Variants in SERAC1 observed in about 807,000 individuals in gnomAD.
SERAC1 encodes protein SERAC1.
Under a neutral mutation model 85.7 loss-of-function variants are expected in SERAC1, and 36 were observed. The ratio of observed to expected loss-of-function variants is 0.42; its 90% CI spans 0.32 to 0.55. The LOEUF (loss-of-function observed/expected upper bound fraction) is 0.55, where lower values mean the gene tolerates loss of function less well. Among genes scored for constraint, SERAC1 ranks in the 20% least tolerant of loss-of-function variants. The pLI, the probability that SERAC1 is intolerant of heterozygous loss-of-function variation, is 0.11. For synonymous variants in SERAC1, 242 were observed against 265.3 expected, an observed-to-expected ratio of 0.91 and a Z score of 0.85; for missense variants, 629 against 796.2, an observed-to-expected ratio of 0.79 and a Z score of 2.53.
At chr6:158,149,636 A>G (rs1785157859) in intron 4 of SERAC1, among the ~76,000 whole-genome samples, 1 of 152,272 alleles carries the variant, frequency 6.6e-6, no homozygotes, top group South Asian at 2.1e-4. Flanking sequence ...TTAAGTCTCA[A>G]TATACAGGTA....
Position 158,117,591 on chromosome 6 carries a change from A to G in SERAC1, c.1403+136T>C. 1 of 1,555,318 alleles carries G rather than the reference A, an allele frequency of 6.4e-7. No homozygotes were observed. The highest frequency in any genetic ancestry group is 8.7e-7 in the Non-Finnish European group (1 of 1,148,528). ...CAAACTCCTTCTAGAAGGAAGACAA[A>G]AAAGATTAGGTTTGTTCTTCATAAG... On this transcript the variant is annotated intron_variant, in intron 13 of 16. Coordinates refer to ENST00000647468, the MANE Select transcript of SERAC1 (RefSeq NM_032861.4). The surrounding 1 kb of genome is among the most constrained non-coding windows in gnomAD (Gnocchi z 4.3).
intron 2 of SERAC1, among the ~76,000 whole-genome samples, chr6:158,156,639 G>A (rs1351853187): frequency 6.7e-6 from 1 of 150,180 alleles, no homozygotes; most frequent in African/African-American, 2.5e-5. Context: ...TTAAGCCACT[G>A]GACTCAAGCT....
intron 10 of SERAC1, among the ~76,000 whole-genome samples, chr6:158,123,021 T>G (rs1380500599): frequency 6.6e-6 from 1 of 152,130 alleles, no homozygotes; most frequent in African/African-American, 2.4e-5. Context: ...AATCTGCAGA[T>G]CTGATACTAA....
chr6:158,140,800 G>A (rs1252346135), intron 8 of SERAC1, among the ~76,000 whole-genome samples: 1 of 152,210 alleles, frequency 6.6e-6, no homozygotes, highest in Non-Finnish European at 1.5e-5. Context: ...AGGACACTGA[G>A]CTGATGTTTG....
At chr6:158,125,539 G>A (rs912838277) in intron 10 of SERAC1, among the ~76,000 whole-genome samples, 4 of 152,034 alleles carry the variant, frequency 2.6e-5, no homozygotes, top group African/African-American at 9.7e-5. Flanking sequence ...GGTTACAGCA[G>A]CACAAAATGA....
chr6:158,155,595 C>T (rs570624299), intron 2 of SERAC1, among the ~76,000 whole-genome samples: 63 of 152,174 alleles, frequency 4.1e-4, no homozygotes, highest in Non-Finnish European at 8.5e-4. Flanking sequence ...CCTTTCTCCA[C>T]CTCCTAGTCC....
chr6:158,164,180 C>T (rs1343959252), intron 1 of SERAC1, among the ~76,000 whole-genome samples: 1 of 151,672 alleles, frequency 6.6e-6, no homozygotes, highest in Non-Finnish European at 1.5e-5. Flanking sequence ...TTAAAAGCAC[C>T]TTTAAGATTA....
chr6:158,115,475 A>G (rs1308815622), intron 14 of SERAC1, among the ~76,000 whole-genome samples: 2 of 152,212 alleles, frequency 1.3e-5, no homozygotes, highest in Non-Finnish European at 2.9e-5. Flanking sequence ...AATGAAACAC[A>G]AAGATCTAAA....
In SERAC1 at chr6:158,119,818, A is replaced by C. The variant is rs989087710; in HGVS notation, c.1166+607T>G. On this transcript the variant is annotated intron_variant, in intron 11 of 16. Transcript: ENST00000647468. This position sits in a 1 kb window ranked among gnomAD's most constrained non-coding sequence, Gnocchi z 4.5. The stretch of plus-strand genomic sequence containing the variant: ...CTATTTTCTGAGGTACTTTTTGTAA[A>C]GTGCCCTAAGAAAACCAAGAAATAT... 6.6e-5 allele frequency among the ~76,000 whole-genome samples: 10 copies of C among 152,204 alleles called. No individual in the cohort carries two copies. The highest frequency in any genetic ancestry group is 2.4e-4 in the African/African-American group (10 of 41,470).
intron 16 of SERAC1, 90 bp downstream of exon 16, chr6:158,113,357 CTG>C (rs1294765255): frequency 8.8e-6 from 9 of 1,017,418 alleles, no homozygotes; most frequent in Admixed American, 2.2e-5. Context: ...TCTCTTAAAA[CTG>C]AGAACCTGGA....
intron 3 of SERAC1, 78 bp from the exon 4 acceptor site, chr6:158,150,667 T>C: frequency 9.2e-7 from 1 of 1,081,590 alleles, no homozygotes. Flanking sequence ...CTATTAAGCT[T>C]GTCATAGTAA....
chr6:158,132,294 T>C (rs1784696342), intron 8 of SERAC1, among the ~76,000 whole-genome samples: 1 of 152,218 alleles, frequency 6.6e-6, no homozygotes, highest in Non-Finnish European at 1.5e-5. Context: ...AAAATAATTT[T>C]TGGCCACTCT....
At position 158,113,515 on chromosome 6, in the gene SERAC1, C is replaced by T. The variant is rs756012789; in HGVS notation, c.1762G>A (p.Val588Met). 2.7e-5 allele frequency: 44 copies of T among 1,613,956 alleles called. 1 individual carries two copies. The South Asian group carries it at 4.1e-4, about 15-fold the overall frequency. ...CCAATGTAGGTTGGTAGTGTTTCCA[C>T]AAAATTCAGCACCTGGAAGTTTTTG... The part of the protein sequence containing the change: ...KDKNFQVLNF[V>M]ETLPTYIGSM... Residue 588 changes from valine to methionine, a missense_variant, in exon 16 of 17, where the codon GTG (valine) becomes ATG (methionine). Coordinates refer to ENST00000647468, the MANE Select transcript of SERAC1 (RefSeq NM_032861.4).
intron 8 of SERAC1, among the ~76,000 whole-genome samples, chr6:158,142,280 C>T (rs1241616422): frequency 6.6e-6 from 1 of 151,822 alleles, no homozygotes; most frequent in Admixed American, 6.6e-5. Flanking sequence ...CCCAGCTCAG[C>T]CTCTCAAACA....
In SERAC1 at chr6:158,144,290, TTTAC is replaced by T. The variant is rs779768135; in HGVS notation, c.609+5_609+8del. On this transcript the variant is annotated splice_donor_5th_base_variant and intron_variant, in intron 7 of 16. Coordinates refer to ENST00000647468, the MANE Select transcript of SERAC1 (RefSeq NM_032861.4). ...CTCTCTAAATTACTATTATTATTGT[TTTAC>T]TTACTTCTTTTAAAGATGGCAAAGG... is the stretch of plus-strand genomic sequence containing the variant. 1 of 1,600,372 alleles carries T rather than the reference TTTAC, an allele frequency of 6.2e-7. No individual in the cohort carries two copies. The highest frequency in any genetic ancestry group is 1.7e-4 in the Middle Eastern group (1 of 6,020).
intron 14 of SERAC1, 25 bp from the exon 15 acceptor site, chr6:158,114,996 C>A (rs1399809623): frequency 1.3e-6 from 2 of 1,592,770 alleles, no homozygotes; most frequent in Non-Finnish European, 1.7e-6. Context: ...GGGAAAAAAA[C>A]AATGCATAAG....
chr6:158,119,468 C>G lies in SERAC1; in HGVS notation c.1167-298G>C, dbSNP rs1784368647. Among the ~76,000 whole-genome samples, 1 of 152,050 alleles carries G rather than the reference C, an allele frequency of 6.6e-6. No homozygotes were observed. Among genetic ancestry groups the G allele is most frequent in the South Asian group, 2.1e-4 (1 of 4,814 alleles). The stretch of plus-strand genomic sequence containing the variant: ...TCAACTGACAGATGTCATAGATTAC[C>G]CTCTAAAGACTTCCATTTGAGAATA... On this transcript the variant is annotated intron_variant, in intron 11 of 16. Coordinates refer to ENST00000647468, the MANE Select transcript of SERAC1 (RefSeq NM_032861.4). The surrounding 1 kb of genome is among the most constrained non-coding windows in gnomAD (Gnocchi z 4.5).
At chr6:158,127,095 C>T (rs1784556668) in intron 10 of SERAC1, among the ~76,000 whole-genome samples, 1 of 151,962 alleles carries the variant, frequency 6.6e-6, no homozygotes, top group African/African-American at 2.4e-5. Flanking sequence ...ATCATCATGG[C>T]AAACCTGCTC....
intron 14 of SERAC1, among the ~76,000 whole-genome samples, chr6:158,115,895 C>T (rs529977110): frequency 6.6e-6 from 1 of 152,316 alleles, no homozygotes; most frequent in South Asian, 2.1e-4. Flanking sequence ...GTATATGAAA[C>T]GGGCTGCTTC....
Sources: gnomAD v4.1 joint callset for allele counts (sites outside exome capture counted in the v4.1 genomes callset) on GRCh38, gnomAD v4.1.1 for gene constraint, Gnocchi (gnomAD v3.1) non-coding constraint, MANE v1.5 for transcripts, NCBI Gene and HGNC (gene_info 2026-07-23, HGNC 2026-07-21) for gene names.